METTL25: variants seen among roughly 807,000 people sequenced by gnomAD.
METTL25 encodes methyltransferase like 25, also known as probable methyltransferase-like protein 25.
METTL25 carries 64 observed loss-of-function variants against 71.6 expected under a neutral mutation model. The observed-to-expected ratio is 0.89, with a 90% confidence interval of 0.73 to 1.10. The LOEUF is 1.10. Ranked by LOEUF, METTL25 falls within the 50% of genes least tolerant of loss-of-function variation. The pLI is 0.00. For synonymous variants in METTL25, 287 were observed against 250.3 expected, an observed-to-expected ratio of 1.15 and a Z score of -1.38; for missense variants, 807 against 707.0, an observed-to-expected ratio of 1.14 and a Z score of -1.60.
intron 8 of METTL25, chr12:82,451,430 C>T (rs1891138883): frequency 4.9e-6 from 1 of 202,032 alleles, no homozygotes; most frequent in Non-Finnish European, 8.8e-6. Context: ...TAAGTTTTCC[C>T]ATCTGTAAAT....
At chr12:82,400,141 G>A (rs560417011) in intron 4 of METTL25, among the ~76,000 whole-genome samples, 1 of 151,972 alleles carries the variant, frequency 6.6e-6, no homozygotes, top group South Asian at 2.1e-4. Flanking sequence ...GGCTAACATA[G>A]CGAAACCCCA....
intron 1 of METTL25, among the ~76,000 whole-genome samples, chr12:82,383,799 A>G (rs1884689436): frequency 6.6e-6 from 1 of 152,162 alleles, no homozygotes. Context: ...TTATAATCCA[A>G]GGTGTATATA....
intron 5 of METTL25, among the ~76,000 whole-genome samples, chr12:82,420,180 G>A (rs1056150326): frequency 1.3e-5 from 2 of 152,138 alleles, no homozygotes; most frequent in African/African-American, 2.4e-5. Flanking sequence ...AAGAGCAGGG[G>A]CTGGGTGGGA....
intron 9 of METTL25, among the ~76,000 whole-genome samples, chr12:82,460,939 G>T (rs533303175): frequency 3.3e-5 from 5 of 152,116 alleles, no homozygotes; most frequent in African/African-American, 1.2e-4. Context: ...GTTAGGAGAT[G>T]GAGACCATCC....
chr12:82,455,559 T>C (rs1350697946), intron 8 of METTL25, among the ~76,000 whole-genome samples: 2 of 151,924 alleles, frequency 1.3e-5, no homozygotes, highest in African/African-American at 4.8e-5. Context: ...CACTTTATCA[T>C]AAAGGAAGAC....
chr12:82,391,275 A>T (rs945190672), intron 3 of METTL25, among the ~76,000 whole-genome samples: 2 of 152,088 alleles, frequency 1.3e-5, no homozygotes, highest in Admixed American at 6.6e-5. Context: ...TACAAAGCAG[A>T]AGCAGGAAAA....
At chr12:82,463,284 A>G (rs1371435752) in intron 9 of METTL25, among the ~76,000 whole-genome samples, 1 of 151,746 alleles carries the variant, frequency 6.6e-6, no homozygotes, top group African/African-American at 2.4e-5. Flanking sequence ...CTTCTAGGAG[A>G]TTAACTTTTT....
chr12:82,360,668 C>T lies in METTL25; in HGVS notation c.259+1844C>T, dbSNP rs189341641. On this transcript the variant is annotated intron_variant, in intron 1 of 11. Transcript: ENST00000248306. ...ACAACAGGAAACAGAAATGCCCTGA[C>T]GAGGGAGCCTACAAGGTATGTTTAA... is the stretch of plus-strand genomic sequence containing the variant. Among the ~76,000 whole-genome samples the T allele has an allele frequency of 6.5e-4, 99 of 152,076 alleles. 1 individual carries two copies. Among genetic ancestry groups the T allele is most frequent in the Admixed American group, 4.5e-3 (69 of 15,286 alleles).
In METTL25 at chr12:82,386,904, G is replaced by A. The variant is rs967147217; in HGVS notation, c.361G>A (p.Gly121Arg). Residue 121 changes from glycine to arginine, a missense_variant, in exon 2 of 12, where the codon GGA becomes AGA. Transcript: ENST00000248306. ...GAAATACTATTCTGTACAAAACTTG[G>A]GAATATGTACTCCTTTTGAACAGTT... ...AAKYYSVQNL[G>R]ICTPFEQLLV... The A allele has an allele frequency of 1.9e-6, 3 of 1,613,192 alleles. No individual in the cohort carries two copies. Among genetic ancestry groups the A allele is most frequent in the Admixed American group, 3.3e-5 (2 of 59,898 alleles).
At chr12:82,377,121 A>G (rs866148212) in intron 1 of METTL25, among the ~76,000 whole-genome samples, 38 of 152,184 alleles carry the variant, frequency 2.5e-4, no homozygotes, top group African/African-American at 8.9e-4. Context: ...CTCAAAAAAA[A>G]AAAGAAAGAA....
At chr12:82,447,584 A>G (rs1010400418) in intron 8 of METTL25, among the ~76,000 whole-genome samples, 4 of 150,296 alleles carry the variant, frequency 2.7e-5, no homozygotes, top group Non-Finnish European at 6.0e-5. Context: ...CAAGAACAAC[A>G]TAAGTAAGGT....
chr12:82,438,043 A>G (rs559419074), intron 7 of METTL25, among the ~76,000 whole-genome samples: 3 of 151,794 alleles, frequency 2.0e-5, no homozygotes, highest in Non-Finnish European at 3.0e-5. Context: ...TTTTAAAACA[A>G]TCGTGCTTCA....
chr12:82,441,582 G>A (rs1310268862), intron 8 of METTL25, among the ~76,000 whole-genome samples: 1 of 151,720 alleles, frequency 6.6e-6, no homozygotes, highest in Non-Finnish European at 1.5e-5. Flanking sequence ...AGACTGGCTA[G>A]GGGTTTCCGG....
At chr12:82,453,671 C>G (rs1221823254) in intron 8 of METTL25, among the ~76,000 whole-genome samples, 1 of 152,096 alleles carries the variant, frequency 6.6e-6, no homozygotes, top group African/African-American at 2.4e-5. Context: ...CAGTAGCTCT[C>G]TATTTTAAAT....
intron 9 of METTL25, among the ~76,000 whole-genome samples, chr12:82,462,306 T>C (rs1891935241): frequency 6.6e-6 from 1 of 152,202 alleles, no homozygotes; most frequent in South Asian, 2.1e-4. Flanking sequence ...TAGAACTTAA[T>C]TCTCTTATCT....
At chr12:82,361,832 G>C (rs1881968653) in intron 1 of METTL25, among the ~76,000 whole-genome samples, 1 of 152,208 alleles carries the variant, frequency 6.6e-6, no homozygotes, top group Non-Finnish European at 1.5e-5. Context: ...GAGAGAGCCA[G>C]CTCCAGCCTC....
chr12:82,389,754 A>T (rs1565820268), intron 2 of METTL25, 62 bp from the exon 3 acceptor site: 1 of 960,010 alleles, frequency 1.0e-6, no homozygotes. Flanking sequence ...ATGAACATCT[A>T]ACTGATAATT....
intron 5 of METTL25, among the ~76,000 whole-genome samples, chr12:82,424,605 A>G (rs895653417): frequency 2.0e-5 from 3 of 152,020 alleles, no homozygotes; most frequent in South Asian, 2.1e-4. Context: ...ACAGAAGACT[A>G]TAGGATTCCA....
intron 9 of METTL25, among the ~76,000 whole-genome samples, chr12:82,475,654 ACT>A (rs1892840872): frequency 6.6e-6 from 1 of 151,828 alleles, no homozygotes; most frequent in Non-Finnish European, 1.5e-5. Flanking sequence ...TCTTCTGGTG[ACT>A]CTGCTTTATC....
Sources: allele counts gnomAD v4.1 joint callset (sites outside exome capture counted in the v4.1 genomes callset), GRCh38; gene constraint gnomAD v4.1.1; transcripts MANE v1.5; gene names NCBI Gene and HGNC (gene_info 2026-07-23, HGNC 2026-07-21).